The following ATP8A2 variants were observed in gnomAD, a reference collection of about 807,000 sequenced individuals.
ATP8A2 encodes ATPase phospholipid transporting 8A2.
In ATP8A2, 100 loss-of-function variants were observed where a neutral mutation model predicts 165.6. The observed-to-expected ratio is 0.60, with a 90% CI of 0.51 to 0.71. ATP8A2 has a LOEUF of 0.71. Among genes scored for constraint, ATP8A2 ranks in the 30% least tolerant of loss-of-function variants. The pLI is 0.00. For missense variants in ATP8A2, 1,227 were observed against 1,479.5 expected (o/e 0.83, Z 2.80); for synonymous variants, 543 against 548.8 (o/e 0.99, Z 0.15).
In ATP8A2 at chr13:25,982,776, A is replaced by C. The variant is rs142019402; in HGVS notation, c.3377+14097A>C. Among the ~76,000 whole-genome samples the C allele has an allele frequency of 9.2e-5, 14 of 152,328 alleles. No individual in the cohort carries two copies. In the East Asian group the frequency reaches 2.7e-3, roughly 29 times the overall value. On this transcript the variant is annotated intron_variant, in intron 35 of 36. Coordinates refer to ENST00000381655, the MANE Select transcript of ATP8A2 (RefSeq NM_016529.6). Reference sequence around the variant, plus strand: ...CTTTGTAACTGTACTGTTTTGCAAAAAATGTCTACAAAGTGCACCATTTGA... The same window carrying C: ...CTTTGTAACTGTACTGTTTTGCAAACAATGTCTACAAAGTGCACCATTTGA...
At chr13:25,837,351 G>T (rs1348653506) in intron 29 of ATP8A2, 66 bp downstream of exon 29, 5 of 1,572,910 alleles carry the variant, frequency 3.2e-6, no homozygotes, top group Non-Finnish European at 4.3e-6. Context: ...CTAGTCATCT[G>T]CCTAGGAGAT....
At chr13:25,706,510 G>A (rs554270714) in intron 25 of ATP8A2, among the ~76,000 whole-genome samples, 1 of 152,266 alleles carries the variant, frequency 6.6e-6, no homozygotes, top group South Asian at 2.1e-4. Context: ...AGAACGTTAT[G>A]CATTTTGTGT....
chr13:25,385,817 G>A (rs1386946198), intron 1 of ATP8A2, among the ~76,000 whole-genome samples: 1 of 151,890 alleles, frequency 6.6e-6, no homozygotes, highest in African/African-American at 2.4e-5. Context: ...TTAGCCTCCT[G>A]AGTAGCTGGG....
At chr13:25,542,419 A>G (rs1370451197) in intron 9 of ATP8A2, among the ~76,000 whole-genome samples, 3 of 146,798 alleles carry the variant, frequency 2.0e-5, no homozygotes, top group Admixed American at 6.8e-5. Context: ...CCTTCTAAGG[A>G]GCGTTCATTT....
chr13:25,953,723 C>T lies in ATP8A2; in HGVS notation c.3184-7852C>T, dbSNP rs1036719356. On this transcript the variant is annotated intron_variant, in intron 33 of 36. Transcript: ENST00000381655. This position sits in a 1 kb window ranked among gnomAD's most constrained non-coding sequence, Gnocchi z 6.7. ...GAGGGCAAGCCGAAGCAGGGTGGGG[C>T]GTTGCCTCACCCGGGAAGCACAGGG... Among the ~76,000 whole-genome samples the T allele has an allele frequency of 5.9e-5, 9 of 151,946 alleles. No individual in the cohort carries two copies. Among genetic ancestry groups the T allele is most frequent in the Non-Finnish European group, 1.0e-4 (7 of 67,986 alleles).
At chr13:25,882,831 A>G (rs1462176325) in intron 33 of ATP8A2, among the ~76,000 whole-genome samples, 3 of 152,230 alleles carry the variant, frequency 2.0e-5, no homozygotes, top group East Asian at 3.9e-4. Context: ...GAGGGGCGCT[A>G]TAAATGAAGA....
chr13:25,558,346 A>G (rs2039042808), intron 13 of ATP8A2, among the ~76,000 whole-genome samples: 1 of 150,954 alleles, frequency 6.6e-6, no homozygotes, highest in Admixed American at 6.6e-5. Context: ...GCCCTAAGGT[A>G]CGAGTATTAT....
intron 1 of ATP8A2, chr13:25,468,769 TG>T: frequency 1.1e-6 from 1 of 924,366 alleles, no homozygotes; most frequent in Non-Finnish European, 1.3e-6. Flanking sequence ...GGCGTGGGCG[TG>T]GGCGGGGCCG....
intron 25 of ATP8A2, among the ~76,000 whole-genome samples, chr13:25,710,776 T>A (rs2137976640): frequency 7.4e-6 from 1 of 134,658 alleles, no homozygotes; most frequent in Admixed American, 7.1e-5. Flanking sequence ...AAGCTGAATC[T>A]TGGGAGATGA....
At chr13:25,377,581 T>C (rs1438536568) in intron 1 of ATP8A2, among the ~76,000 whole-genome samples, 3 of 151,988 alleles carry the variant, frequency 2.0e-5, no homozygotes, top group African/African-American at 7.3e-5. Context: ...GGGTGGATCA[T>C]ATGAGGTCAG....
chr13:25,554,510 CATGTGTGTGTGTGTGTGTATGTGT>C (rs1205908851), intron 12 of ATP8A2, among the ~76,000 whole-genome samples: 1 of 105,726 alleles, frequency 9.5e-6, no homozygotes, highest in African/African-American at 3.7e-5. Context: ...AAATATAAAT[CATGTGTGTGTGTGTGTGTATGTGT>C]GTGTGTGTGT....
chr13:25,689,276 G>A (rs547134647), intron 24 of ATP8A2, among the ~76,000 whole-genome samples: 3 of 152,192 alleles, frequency 2.0e-5, no homozygotes, highest in Admixed American at 1.3e-4. Flanking sequence ...TGACTATACC[G>A]CTTATGTGCT....
intron 33 of ATP8A2, among the ~76,000 whole-genome samples, chr13:25,869,898 G>A (rs1197051805): frequency 6.6e-6 from 1 of 152,220 alleles, no homozygotes; most frequent in Non-Finnish European, 1.5e-5. Context: ...GGCAGCTTGT[G>A]TAAACCAGCT....
chr13:25,483,857 C>T (rs2036277762), intron 2 of ATP8A2, among the ~76,000 whole-genome samples: 1 of 152,236 alleles, frequency 6.6e-6, no homozygotes, highest in South Asian at 2.1e-4. Context: ...TGTTGTTCTT[C>T]TTTGCCACTC....
At chr13:25,884,517 G>C (rs1953082670) in intron 33 of ATP8A2, among the ~76,000 whole-genome samples, 1 of 152,178 alleles carries the variant, frequency 6.6e-6, no homozygotes, top group African/African-American at 2.4e-5. Context: ...GGAGGCAAGA[G>C]ATCACTCCAA....
At chr13:25,384,766 G>A (rs1157393713) in intron 1 of ATP8A2, among the ~76,000 whole-genome samples, 1 of 151,904 alleles carries the variant, frequency 6.6e-6, no homozygotes, top group Non-Finnish European at 1.5e-5. Flanking sequence ...TTTTCTGATT[G>A]TTTTGTTATT....
chr13:25,552,541 T>C (rs2038856151), intron 11 of ATP8A2, among the ~76,000 whole-genome samples: 1 of 152,244 alleles, frequency 6.6e-6, no homozygotes. Context: ...GAATTATCAT[T>C]ACTAGTGTCC....
rs117731579 is a variant in ATP8A2 at position 25,922,730 on chromosome 13, G to C, written c.3184-38845G>C. 7.4e-3 allele frequency among the ~76,000 whole-genome samples: 1,132 copies of C among 152,304 alleles called. 18 individuals carry two copies. The highest frequency in any genetic ancestry group is 0.064 in the East Asian group (330 of 5,180). ...CATCTAATACGTCCACACAGGTCCA[G>C]ATATCCTACACAGGGGTGTGGGTTC... On this transcript the variant is annotated intron_variant, in intron 33 of 36. Coordinates refer to ENST00000381655, the MANE Select transcript of ATP8A2 (RefSeq NM_016529.6).
At chr13:25,398,787 G>C (rs1042360494) in intron 1 of ATP8A2, among the ~76,000 whole-genome samples, 5 of 152,166 alleles carry the variant, frequency 3.3e-5, no homozygotes, top group Non-Finnish European at 7.3e-5. Flanking sequence ...CAGTGAGGTT[G>C]AGAAGTGGCA....
Sources: allele counts gnomAD v4.1 joint callset (sites outside exome capture counted in the v4.1 genomes callset), GRCh38; gene constraint gnomAD v4.1.1; non-coding constraint Gnocchi (gnomAD v3.1); transcripts MANE v1.5; gene names NCBI Gene and HGNC (gene_info 2026-07-23, HGNC 2026-07-21).